The following DOK6 variants were observed in gnomAD, a reference collection of about 807,000 sequenced individuals.
The protein encoded by DOK6 is downstream of tyrosine kinase 6.
Under a neutral mutation model 44.0 loss-of-function variants are expected in DOK6, and 22 were observed. The observed-to-expected ratio is 0.50, with a 90% CI of 0.36 to 0.71. DOK6 has a LOEUF of 0.71. Ranked by LOEUF, DOK6 falls within the 30% of genes least tolerant of loss-of-function variation. DOK6 has a pLI of 0.00. For missense variants in DOK6, 340 were observed against 416.4 expected, an observed-to-expected ratio of 0.82 and a Z score of 1.60; for synonymous variants, 166 against 145.5, an observed-to-expected ratio of 1.14 and a Z score of -1.01.
chr18:69,471,218 C>T (rs1980094028), intron 1 of DOK6, among the ~76,000 whole-genome samples: 1 of 123,614 alleles, frequency 8.1e-6, no homozygotes, highest in Non-Finnish European at 1.6e-5. Context: ...CCATTGCACT[C>T]TAGCCTGGGC....
chr18:69,744,085 T>C (rs7244726), intron 6 of DOK6, among the ~76,000 whole-genome samples: 86,201 of 151,952 alleles, frequency 0.57, 26,204 homozygotes, highest in East Asian at 0.69. Context: ...CCAAGGCAGG[T>C]GGATCACCTG....
intron 1 of DOK6, among the ~76,000 whole-genome samples, chr18:69,439,071 C>CA (rs34852248): frequency 0.79 from 120,810 of 152,008 alleles, 48,280 homozygotes; most frequent in East Asian, 1. Flanking sequence ...TCTCAAAAAA[C>CA]AAACAAAAAC....
chr18:69,673,238 A>G (rs1486233766), intron 3 of DOK6, among the ~76,000 whole-genome samples: 1 of 151,932 alleles, frequency 6.6e-6, no homozygotes, highest in Non-Finnish European at 1.5e-5. Flanking sequence ...GTGTATATAT[A>G]TATATATGAT....
At chr18:69,779,453 T>TACAC (rs36016822) in intron 7 of DOK6, among the ~76,000 whole-genome samples, 58,043 of 148,812 alleles carry the variant, frequency 0.39, 12,917 homozygotes, top group East Asian at 0.75. Flanking sequence ...ACACACAGTC[T>TACAC]ACACACACAC....
At chr18:69,782,718 C>A (rs1371871338) in intron 7 of DOK6, among the ~76,000 whole-genome samples, 1 of 151,816 alleles carries the variant, frequency 6.6e-6, no homozygotes, top group African/African-American at 2.4e-5. Context: ...GAGCTGAGAT[C>A]GCACCACTGC....
In DOK6 at chr18:69,705,392, T is replaced by G. The variant is rs558594004; in HGVS notation, c.599+6799T>G. 1.1e-4 allele frequency among the ~76,000 whole-genome samples: 16 copies of G among 152,332 alleles called. 1 individual carries two copies. In the South Asian group the frequency reaches 3.3e-3, roughly 32 times the overall value. ...TTTTGTTTTGTTTTGTTTTTTGAGC[T>G]CTATTTCTCAGATATGCTCTGATTG... On this transcript the variant is annotated intron_variant, in intron 5 of 7. Coordinates refer to ENST00000382713, the MANE Select transcript of DOK6 (RefSeq NM_152721.6).
intron 5 of DOK6, among the ~76,000 whole-genome samples, chr18:69,699,440 G>A (rs1050121840): frequency 2.6e-5 from 4 of 151,954 alleles, no homozygotes; most frequent in African/African-American, 9.7e-5. Flanking sequence ...AGCCAGCTAG[G>A]GTAGGTCCCA....
chr18:69,551,480 C>T (rs1982564708), intron 1 of DOK6, among the ~76,000 whole-genome samples: 1 of 152,052 alleles, frequency 6.6e-6, no homozygotes, highest in African/African-American at 2.4e-5. Flanking sequence ...AAATCATTGA[C>T]TTAAAAGTAG....
chr18:69,559,956 A>G (rs1464907982), intron 1 of DOK6, among the ~76,000 whole-genome samples: 2 of 152,076 alleles, frequency 1.3e-5, no homozygotes, highest in South Asian at 2.1e-4. Flanking sequence ...ATGTAACCCT[A>G]CTTACTTCCC....
At chr18:69,618,443 G>A (rs182760661) in intron 3 of DOK6, 3 of 155,550 alleles carry the variant, frequency 1.9e-5, no homozygotes, top group African/African-American at 7.2e-5. Flanking sequence ...AAACAGCTAA[G>A]AAGGGTTTAA....
chr18:69,614,322 A>G (rs545116782), intron 3 of DOK6, among the ~76,000 whole-genome samples: 6 of 152,282 alleles, frequency 3.9e-5, no homozygotes, highest in African/African-American at 1.4e-4. Flanking sequence ...TTCAAAAAAA[A>G]TCATCCTTGA....
intron 1 of DOK6, among the ~76,000 whole-genome samples, chr18:69,416,264 C>G (rs993078327): frequency 1.3e-5 from 2 of 151,946 alleles, no homozygotes; most frequent in Non-Finnish European, 1.5e-5. Flanking sequence ...CAAACATGTC[C>G]TTAAAATGAA....
chr18:69,734,729 T>C (rs1568110050), intron 5 of DOK6, among the ~76,000 whole-genome samples: 1 of 152,146 alleles, frequency 6.6e-6, no homozygotes, highest in African/African-American at 2.4e-5. Flanking sequence ...ATGGACAAAA[T>C]TGCCAGATGT....
intron 2 of DOK6, among the ~76,000 whole-genome samples, chr18:69,588,433 G>A (rs1983554145): frequency 6.6e-6 from 1 of 152,138 alleles, no homozygotes; most frequent in African/African-American, 2.4e-5. Context: ...ATCTAGTAGA[G>A]TGGCAGCTGT....
intron 3 of DOK6, among the ~76,000 whole-genome samples, chr18:69,628,880 T>G (rs1984621157): frequency 6.6e-6 from 1 of 152,116 alleles, no homozygotes; most frequent in Non-Finnish European, 1.5e-5. Context: ...CATGTACATT[T>G]AAGAGTTAAC....
At chr18:69,746,070 TCTTA>T (rs1337131412) in intron 6 of DOK6, among the ~76,000 whole-genome samples, 2 of 152,272 alleles carry the variant, frequency 1.3e-5, no homozygotes, top group African/African-American at 2.4e-5. Context: ...TGTAAATGTG[TCTTA>T]CTTACAAATA....
chr18:69,633,348 G>C (rs1984731654), intron 3 of DOK6, among the ~76,000 whole-genome samples: 1 of 152,106 alleles, frequency 6.6e-6, no homozygotes, highest in Non-Finnish European at 1.5e-5. Context: ...CATCTCATTA[G>C]TGACAGAGCA....
At chr18:69,511,648 A>G (rs8087010) in intron 1 of DOK6, among the ~76,000 whole-genome samples, 17,367 of 152,190 alleles carry the variant, frequency 0.11, 1,270 homozygotes, top group Non-Finnish European at 0.16. Flanking sequence ...TATATTAAAG[A>G]TTTTTCATTT....
At chr18:69,738,055 T>C (rs1978673514) in intron 5 of DOK6, among the ~76,000 whole-genome samples, 2 of 152,246 alleles carry the variant, frequency 1.3e-5, no homozygotes, top group Non-Finnish European at 2.9e-5. Context: ...TATTAAGATC[T>C]CTTTCAGAGA....
Sources: gnomAD v4.1 joint callset for allele counts (sites outside exome capture counted in the v4.1 genomes callset) on GRCh38, gnomAD v4.1.1 for gene constraint, MANE v1.5 for transcripts, NCBI Gene and HGNC (gene_info 2026-07-23, HGNC 2026-07-21) for gene names.